The following GARIN2 variants were observed in gnomAD, a reference collection of about 807,000 sequenced individuals.
GARIN2 encodes Golgi-associated RAB2 interactor protein 2.
the GARIN2 span, among the ~76,000 whole-genome samples, chr14:67,193,405 A>G: frequency 2.8e-5 from 4 of 141,200 alleles, no homozygotes; most frequent in African/African-American, 1.0e-4. Flanking sequence ...ATCTAGATAT[A>G]TATCTATATA....
At chr14:67,205,648 GT>G in the GARIN2 span, among the ~76,000 whole-genome samples, 2 of 152,184 alleles carry the variant, frequency 1.3e-5, no homozygotes, top group East Asian at 3.8e-4. Flanking sequence ...GTTTCATTCA[GT>G]TGGGCTAGAG....
chr14:67,194,199 CA>C, the GARIN2 span, among the ~76,000 whole-genome samples: 1 of 151,142 alleles, frequency 6.6e-6, no homozygotes, highest in East Asian at 2.0e-4. Flanking sequence ...CCCGTCTCTA[CA>C]AAAAAATACA....
the GARIN2 span, among the ~76,000 whole-genome samples, chr14:67,196,623 G>A: frequency 3.9e-5 from 6 of 152,194 alleles, no homozygotes; most frequent in African/African-American, 1.4e-4. Context: ...AGGTAATACA[G>A]TCTGTACTGC....
the GARIN2 span, chr14:67,223,648 G>A: frequency 5.8e-6 from 5 of 867,014 alleles, no homozygotes; most frequent in East Asian, 1.2e-4. Context: ...TGGGCATGTC[G>A]TTTTCCACAA....
At chr14:67,225,405 G>A in the GARIN2 span, 2 of 534,984 alleles carry the variant, frequency 3.7e-6, no homozygotes, top group Admixed American at 4.2e-5. Context: ...TGAAATGTTA[G>A]GGGTTTGTTG....
chr14:67,204,717 A>C, the GARIN2 span: 1 of 1,613,982 alleles, frequency 6.2e-7, no homozygotes, highest in South Asian at 1.1e-5. Flanking sequence ...AGAAAGCCAA[A>C]GTTTCCAAAG....
the GARIN2 span, chr14:67,208,366 T>C: frequency 2.5e-6 from 4 of 1,613,924 alleles, no homozygotes; most frequent in South Asian, 4.4e-5. Flanking sequence ...GTGAGGCAAA[T>C]ACATCCAAGG....
At chr14:67,190,826 G>GA in the GARIN2 span, among the ~76,000 whole-genome samples, 1 of 152,190 alleles carries the variant, frequency 6.6e-6, no homozygotes, top group Non-Finnish European at 1.5e-5. Context: ...AGAATCTTGG[G>GA]AAAAATCACC....
chr14:67,199,530 C>A, the GARIN2 span: 1 of 1,611,398 alleles, frequency 6.2e-7, no homozygotes. Flanking sequence ...GCTTCAGTTG[C>A]AGCAATTGAA....
At chr14:67,193,642 G>C in the GARIN2 span, among the ~76,000 whole-genome samples, 1 of 146,384 alleles carries the variant, frequency 6.8e-6, no homozygotes, top group East Asian at 2.0e-4. Context: ...TATAGATATA[G>C]ATATATAGAA....
the GARIN2 span, chr14:67,221,687 A>G: frequency 6.4e-7 from 1 of 1,554,736 alleles, no homozygotes; most frequent in South Asian, 1.2e-5. Context: ...GAGCATTTAA[A>G]GAATGACCGG....
At chr14:67,191,917 A>G in the GARIN2 span, among the ~76,000 whole-genome samples, 1 of 152,238 alleles carries the variant, frequency 6.6e-6, no homozygotes, top group Admixed American at 6.5e-5. Context: ...AGAAACGTAC[A>G]ACCTAATGTA....
the GARIN2 span, among the ~76,000 whole-genome samples, chr14:67,213,140 AT>A: frequency 2.8e-4 from 41 of 148,772 alleles, no homozygotes; most frequent in African/African-American, 4.4e-4. Flanking sequence ...TGCATGTAGA[AT>A]TTTTTTTTAA....
At chr14:67,198,441 A>G in the GARIN2 span, 2 of 924,528 alleles carry the variant, frequency 2.2e-6, no homozygotes, top group South Asian at 1.7e-5. Context: ...GATACTACAA[A>G]AGAGAACAGT....
chr14:67,214,539 A>G, the GARIN2 span, among the ~76,000 whole-genome samples: 5 of 152,194 alleles, frequency 3.3e-5, no homozygotes, highest in African/African-American at 1.2e-4. Context: ...CTGTTTTGGT[A>G]CCAGTACCAT....
chr14:67,195,729 G>A, the GARIN2 span, among the ~76,000 whole-genome samples: 1,766 of 151,162 alleles, frequency 0.012, 27 homozygotes, highest in East Asian at 0.034. Context: ...GTGTGTGTGT[G>A]TGTGTGTGTG....
At chr14:67,216,167 T>C in the GARIN2 span, among the ~76,000 whole-genome samples, 2 of 152,170 alleles carry the variant, frequency 1.3e-5, no homozygotes, top group Non-Finnish European at 2.9e-5. Flanking sequence ...TACATTGTTA[T>C]TAACTATAGT....
At chr14:67,212,606 T>C in the GARIN2 span, among the ~76,000 whole-genome samples, 6 of 136,160 alleles carry the variant, frequency 4.4e-5, no homozygotes, top group Admixed American at 7.5e-5. Context: ...AAAATATATA[T>C]ATATATATGT....
chr14:67,200,965 A>G, the GARIN2 span, among the ~76,000 whole-genome samples: 1 of 152,340 alleles, frequency 6.6e-6, no homozygotes, highest in East Asian at 1.9e-4. Context: ...GCAGCAAGTT[A>G]CCAAGATTCC....
Sources: allele counts gnomAD v4.1 joint callset (sites outside exome capture counted in the v4.1 genomes callset), GRCh38; gene constraint gnomAD v4.1.1; transcripts MANE v1.5; gene names NCBI Gene and HGNC (gene_info 2026-07-23, HGNC 2026-07-21).